The following SLCO3A1 variants were observed in gnomAD, a reference collection of about 807,000 sequenced individuals.
The protein encoded by SLCO3A1 is solute carrier organic anion transporter family member 3A1.
Under a neutral mutation model 63.1 loss-of-function variants are expected in SLCO3A1, and 27 were observed. That is an observed-to-expected ratio of 0.43 (90% CI 0.32 to 0.59). The LOEUF (loss-of-function observed/expected upper bound fraction) is 0.59. Ranked by LOEUF, SLCO3A1 falls within the 20% of genes least tolerant of loss-of-function variation. The probability of loss-of-function intolerance (pLI) is 0.09; values close to 1 mark genes in which losing one functional copy is unlikely to be tolerated. For synonymous variants in SLCO3A1, 473 were observed against 409.9 expected (o/e 1.15, Z -1.86); for missense variants, 773 against 945.8 (o/e 0.82, Z 2.40).
chr15:92,139,153 A>G (rs2048095597), intron 7 of SLCO3A1, among the ~76,000 whole-genome samples: 1 of 151,444 alleles, frequency 6.6e-6, no homozygotes, highest in East Asian at 1.9e-4. Context: ...ATGTCCCATC[A>G]ATACCTGATT....
chr15:91,930,574 G>C (rs929270493), intron 2 of SLCO3A1, among the ~76,000 whole-genome samples: 1 of 152,166 alleles, frequency 6.6e-6, no homozygotes, highest in Admixed American at 6.5e-5. Flanking sequence ...TTTAACAGAG[G>C]TGTTAAATTT....
rs1335219139 is a variant in SLCO3A1, at chr15:91,853,895, G to T, written c.-14G>T. 7.4e-7 allele frequency: 1 copy of T among 1,353,088 alleles called. No homozygotes were observed. Among genetic ancestry groups the T allele is most frequent in the Non-Finnish European group, 9.6e-7 (1 of 1,046,548 alleles). 83.8% of individuals were successfully genotyped at this position (1,353,088 alleles called of 1,614,324 possible). On this transcript the variant is annotated 5_prime_UTR_variant, in exon 1 of 10. Coordinates refer to ENST00000318445, the MANE Select transcript of SLCO3A1 (RefSeq NM_013272.4). Reference sequence around the variant, plus strand: ...AGCGGCAGCGGCGGCGGCGGCGGCGGCGGCGGGGGAAGGATGCAGGGGAAG... The same window carrying T: ...AGCGGCAGCGGCGGCGGCGGCGGCGTCGGCGGGGGAAGGATGCAGGGGAAG...
Position 92,163,698 on chromosome 15 carries a change from C to T in SLCO3A1, c.*563C>T, listed in dbSNP as rs1414827911. 6.1e-6 allele frequency: 6 copies of T among 985,326 alleles called. No individual in the cohort carries two copies. The highest frequency in any genetic ancestry group is 4.7e-5 in the South Asian group (1 of 21,280). 61.0% of individuals were successfully genotyped at this position (985,326 alleles called of 1,614,324 possible). The stretch of plus-strand genomic sequence containing the variant: ...AAGCACCACTCCTCTCTCTGACTTT[C>T]GCAATATGGGTCACTGTGTAGACGA... On this transcript the variant is annotated 3_prime_UTR_variant, in exon 10 of 10. Coordinates refer to ENST00000318445, the MANE Select transcript of SLCO3A1 (RefSeq NM_013272.4).
At chr15:91,855,589 T>G (rs1192668412) in intron 1 of SLCO3A1, among the ~76,000 whole-genome samples, 1 of 152,236 alleles carries the variant, frequency 6.6e-6, no homozygotes, top group Non-Finnish European at 1.5e-5. Flanking sequence ...AGTTATAATA[T>G]GCAGTTGCAG....
At chr15:92,171,586 A>G in intron 10 of SLCO3A1, 1 of 541,512 alleles carries the variant, frequency 1.8e-6, no homozygotes, top group Non-Finnish European at 3.3e-6. Flanking sequence ...GCCTTCAAAA[A>G]AGTCTCTGGG....
chr15:91,909,263 C>G (rs1312692401), intron 1 of SLCO3A1, among the ~76,000 whole-genome samples: 1 of 152,172 alleles, frequency 6.6e-6, no homozygotes, highest in Non-Finnish European at 1.5e-5. Flanking sequence ...TACATGTGGC[C>G]TATGGACCAA....
At chr15:92,074,676 A>G (rs1252965094) in intron 2 of SLCO3A1, among the ~76,000 whole-genome samples, 1 of 152,100 alleles carries the variant, frequency 6.6e-6, no homozygotes, top group Non-Finnish European at 1.5e-5. Context: ...GCCTGCAAGG[A>G]TGAGTTTTCC....
intron 2 of SLCO3A1, among the ~76,000 whole-genome samples, chr15:91,978,584 C>G (rs1901210112): frequency 6.6e-6 from 1 of 152,204 alleles, no homozygotes; most frequent in African/African-American, 2.4e-5. Context: ...TTTTTTCCCC[C>G]CTCAGTGGAA....
rs374536877 is a variant in SLCO3A1, at chr15:92,128,331, G to A, written c.1374-20G>A. 2.7e-4 allele frequency: 442 copies of A among 1,613,382 alleles called. 2 individuals are homozygous for A. In the Middle Eastern group the frequency reaches 9.7e-3, roughly 36 times the overall value. Reference sequence around the variant, plus strand: ...AATTGACCTGTTTCTAATGGCTTCCGTGTTTCCTTTCTTTTCCAGCACAGC... The same window carrying A: ...AATTGACCTGTTTCTAATGGCTTCCATGTTTCCTTTCTTTTCCAGCACAGC... On this transcript the variant is annotated intron_variant, in intron 6 of 9. Transcript: ENST00000318445.
At chr15:91,996,554 T>C (rs1351941153) in intron 2 of SLCO3A1, among the ~76,000 whole-genome samples, 1 of 152,086 alleles carries the variant, frequency 6.6e-6, no homozygotes, top group Non-Finnish European at 1.5e-5. Flanking sequence ...TAATTTCGTG[T>C]AAGGGGATCA....
chr15:92,104,913 G>A (rs1212606413), intron 4 of SLCO3A1, among the ~76,000 whole-genome samples: 1 of 151,784 alleles, frequency 6.6e-6, no homozygotes, highest in Non-Finnish European at 1.5e-5. Flanking sequence ...TTTGAAGTTG[G>A]CTTCCTTTGC....
intron 2 of SLCO3A1, among the ~76,000 whole-genome samples, chr15:92,067,938 C>T (rs145754692): frequency 4.9e-4 from 75 of 152,276 alleles, no homozygotes; most frequent in East Asian, 1.9e-3. Context: ...TCCTCTTCTG[C>T]GGGAAGGGGT....
intron 2 of SLCO3A1, among the ~76,000 whole-genome samples, chr15:92,032,214 C>T (rs2046658758): frequency 6.6e-6 from 1 of 152,206 alleles, no homozygotes; most frequent in Non-Finnish European, 1.5e-5. Context: ...CCAGTATTTT[C>T]TCAAGCCCAG....
chr15:91,874,198 T>G (rs2151336949), intron 1 of SLCO3A1, among the ~76,000 whole-genome samples: 1 of 152,352 alleles, frequency 6.6e-6, no homozygotes, highest in African/African-American at 2.4e-5. Flanking sequence ...TAATAAAAGT[T>G]ATGTGAATGT....
intron 7 of SLCO3A1, among the ~76,000 whole-genome samples, chr15:92,135,939 G>T (rs1010399856): frequency 6.6e-6 from 1 of 152,126 alleles, no homozygotes; most frequent in Non-Finnish European, 1.5e-5. Context: ...AGCTGAGGAG[G>T]GGAGGAGCAC....
chr15:92,170,385 T>A (rs75372489), downstream of SLCO3A1, among the ~76,000 whole-genome samples: 2,794 of 152,306 alleles, frequency 0.018, 34 homozygotes, highest in Middle Eastern at 0.048. Context: ...TCCCAGGTAC[T>A]GCTCCCAGCA....
intron 2 of SLCO3A1, among the ~76,000 whole-genome samples, chr15:91,985,661 T>C (rs189127442): frequency 1.9e-4 from 29 of 152,300 alleles, no homozygotes; most frequent in African/African-American, 7.0e-4. Flanking sequence ...GCATGGTCCT[T>C]ACGTCAGACA....
At chr15:92,105,791 G>T (rs1447394854) in intron 4 of SLCO3A1, among the ~76,000 whole-genome samples, 2 of 152,198 alleles carry the variant, frequency 1.3e-5, no homozygotes, top group African/African-American at 4.8e-5. Flanking sequence ...TCCCCTCTGT[G>T]CAGGAATGCG....
intron 1 of SLCO3A1, among the ~76,000 whole-genome samples, chr15:91,902,114 G>T (rs1156446029): frequency 6.6e-6 from 1 of 151,400 alleles, no homozygotes; most frequent in East Asian, 1.9e-4. Flanking sequence ...AGCTCCTTTT[G>T]TGAATTTTTT....
Sources: allele counts gnomAD v4.1 joint callset (sites outside exome capture counted in the v4.1 genomes callset), GRCh38; gene constraint gnomAD v4.1.1; transcripts MANE v1.5; gene names NCBI Gene and HGNC (gene_info 2026-07-23, HGNC 2026-07-21).